MANBAL: variants seen among roughly 807,000 people sequenced by gnomAD.
The protein encoded by MANBAL is mannosidase beta like, also known as protein MANBAL.
In MANBAL, 1 loss-of-function variant was observed where a neutral mutation model predicts 6.4. That is an observed-to-expected ratio of 0.16 (90% confidence interval 0.06 to 0.74). MANBAL has a LOEUF of 0.74. Ranked by LOEUF, MANBAL falls within the 30% of genes least tolerant of loss-of-function variation. The probability of loss-of-function intolerance (pLI) is 0.78; values close to 1 mark genes in which losing one functional copy is unlikely to be tolerated. For missense variants in MANBAL, 100 were observed against 107.8 expected (o/e 0.93, Z 0.32); for synonymous variants, 47 against 45.8 (o/e 1.03, Z -0.10).
chr20:37,293,763 T>C (rs2068926145), intron 1 of MANBAL, among the ~76,000 whole-genome samples: 1 of 152,250 alleles, frequency 6.6e-6, no homozygotes, highest in Non-Finnish European at 1.5e-5. Context: ...GGAAACAACT[T>C]ATCAGCTAGA....
At chr20:37,299,040 C>T (rs1053853393) in intron 1 of MANBAL, among the ~76,000 whole-genome samples, 16 of 147,700 alleles carry the variant, frequency 1.1e-4, no homozygotes, top group African/African-American at 3.7e-4. Context: ...CCATGCCCAG[C>T]CAATTATTTT....
intron 1 of MANBAL, chr20:37,297,353 A>C (rs780002337): frequency 2.0e-5 from 3 of 152,150 alleles, no homozygotes; most frequent in African/African-American, 7.2e-5. Flanking sequence ...CCAGAAGTCA[A>C]ATCCTTCCTG....
At chr20:37,307,513 G>A (rs1050203995) in intron 2 of MANBAL, among the ~76,000 whole-genome samples, 3 of 152,138 alleles carry the variant, frequency 2.0e-5, no homozygotes, top group African/African-American at 2.4e-5. Context: ...AACCCAGCAC[G>A]TGGGAGGCTG....
intron 2 of MANBAL, 61 bp downstream of exon 2, chr20:37,301,474 C>T: frequency 7.8e-6 from 12 of 1,544,408 alleles, no homozygotes; most frequent in Middle Eastern, 1.7e-4. Context: ...TGAGTACTAA[C>T]AGTAGGTGCC....
rs1165373167 is a variant in MANBAL at position 37,317,148 on chromosome 20, T to C, written c.*733T>C. 2 of 152,700 alleles carry C rather than the reference T, an allele frequency of 1.3e-5. No individual in the cohort carries two copies. Among genetic ancestry groups the C allele is most frequent in the Non-Finnish European group, 2.9e-5 (2 of 68,056 alleles). The allele number at this position is 152,700 out of a possible 1,614,324, so 9.5% of individuals were successfully genotyped here. On this transcript the variant is annotated 3_prime_UTR_variant, in exon 3 of 3. Transcript: ENST00000373606. The stretch of plus-strand genomic sequence containing the variant: ...AACCCATCATAGCACGTTCAAGGTG[T>C]GCCTTTTACTTCTACCTGTACATCC...
At chr20:37,311,150 A>G (rs989356885) in intron 2 of MANBAL, among the ~76,000 whole-genome samples, 2 of 152,166 alleles carry the variant, frequency 1.3e-5, no homozygotes, top group African/African-American at 4.8e-5. Context: ...AGGCTCGGTG[A>G]GCATCCACAT....
intron 1 of MANBAL, among the ~76,000 whole-genome samples, chr20:37,299,203 G>A (rs1335905295): frequency 6.6e-6 from 1 of 151,834 alleles, no homozygotes; most frequent in East Asian, 1.9e-4. Context: ...TCAGCCTCTC[G>A]AGTAGCTGGG....
Position 37,316,633 on chromosome 20 carries a change from A to T in MANBAL, c.*218A>T. ...CTGCTTCTGTGACGGTTTAGAGTCA[A>T]GGGGGCTGAAACACACTGTGAGCAT... On this transcript the variant is annotated 3_prime_UTR_variant, in exon 3 of 3. Coordinates refer to ENST00000373606, the MANE Select transcript of MANBAL (RefSeq NM_001003897.2). 2.2e-6 allele frequency: 1 copy of T among 449,050 alleles called. No homozygotes were observed. The highest frequency in any genetic ancestry group is 4.1e-6 in the Non-Finnish European group (1 of 244,180). The allele number at this position is 449,050 out of a possible 1,614,324, so 27.8% of individuals were successfully genotyped here. A position where few individuals can be genotyped will look rare whatever the true frequency, so the allele number is the denominator to read the frequency against.
chr20:37,303,539 A>T (rs1364520039), intron 2 of MANBAL, among the ~76,000 whole-genome samples: 1 of 152,212 alleles, frequency 6.6e-6, no homozygotes, highest in Non-Finnish European at 1.5e-5. Flanking sequence ...TAACATTAAC[A>T]AAATGATGTA....
rs190166319 is a variant in MANBAL, at chr20:37,302,902, G to C, written c.150+1489G>C. ...GCTTCCTTGCTTCATGGTTCAATAA[G>C]ATGTCACAGGCTCTTTTTTGTGTGT... On this transcript the variant is annotated intron_variant, in intron 2 of 2. Coordinates refer to ENST00000373606, the MANE Select transcript of MANBAL (RefSeq NM_001003897.2). Among the ~76,000 whole-genome samples, 275 of 152,098 alleles carry C rather than the reference G, an allele frequency of 1.8e-3. 1 individual carries two copies. The highest frequency in any genetic ancestry group is 6.4e-3 in the African/African-American group (264 of 41,510).
intron 1 of MANBAL, among the ~76,000 whole-genome samples, chr20:37,296,729 A>C (rs1408031547): frequency 6.6e-6 from 1 of 152,224 alleles, no homozygotes; most frequent in Non-Finnish European, 1.5e-5. Flanking sequence ...CAAAGGATAT[A>C]ATCACTTTTA....
Position 37,316,963 on chromosome 20 carries a change from C to G in MANBAL, c.*548C>G, listed in dbSNP as rs2069535247. 1 of 152,624 alleles carries G rather than the reference C, an allele frequency of 6.6e-6. No individual in the cohort carries two copies. Among genetic ancestry groups the G allele is most frequent in the East Asian group, 1.9e-4 (1 of 5,190 alleles). The allele number at this position is 152,624 out of a possible 1,614,324, so 9.5% of individuals were successfully genotyped here. A position where few individuals can be genotyped will look rare whatever the true frequency, so the allele number is the denominator to read the frequency against. On this transcript the variant is annotated 3_prime_UTR_variant, in exon 3 of 3. Coordinates refer to ENST00000373606, the MANE Select transcript of MANBAL (RefSeq NM_001003897.2). Reference sequence around the variant, plus strand: ...TGTGACAGCCAGGCCCAGAAAATGCCTGGCGTGAGAGCCAGCAGACAGCCA... The same window carrying G: ...TGTGACAGCCAGGCCCAGAAAATGCGTGGCGTGAGAGCCAGCAGACAGCCA...
In MANBAL at chr20:37,309,894, G is replaced by A. The variant is rs546454854; in HGVS notation, c.151-6414G>A. The stretch of plus-strand genomic sequence containing the variant: ...CAACTGTGCATTTCTGCTCTGTGTG[G>A]TTTTAAAGCTTGGGAGGAGGTTGCA... On this transcript the variant is annotated intron_variant, in intron 2 of 2. Transcript: ENST00000373606. 3.3e-5 allele frequency among the ~76,000 whole-genome samples: 5 copies of A among 152,334 alleles called. No individual in the cohort carries two copies. In the South Asian group the frequency reaches 1.0e-3, roughly 32 times the overall value.
chr20:37,312,438 C>T (rs567624892), intron 2 of MANBAL, among the ~76,000 whole-genome samples: 1 of 152,224 alleles, frequency 6.6e-6, no homozygotes, highest in South Asian at 2.1e-4. Flanking sequence ...GAGGCTGGAC[C>T]GTGTACCCAT....
chr20:37,316,352 G>C lies in MANBAL; in HGVS notation c.195G>C (p.Lys65Asn), dbSNP rs746795412. ...SEPRSAEVTR[K>N]PKAAVPSVNK... The stretch of plus-strand genomic sequence containing the variant: ...CCAGAAGTGCTGAGGTGACGAGGAA[G>C]CCCAAGGCTGCTGTTCCTTCTGTGA... The change falls in exon 3 of 3, where the codon AAG becomes AAC. Residue 65 changes from lysine (K) to asparagine (N), a missense_variant. Physicochemically the swap from Lys to Asn is moderately conservative, Grantham distance 94. Coordinates refer to ENST00000373606, the MANE Select transcript of MANBAL (RefSeq NM_001003897.2). The C allele has an allele frequency of 6.8e-6, 11 of 1,613,920 alleles. No individual in the cohort carries two copies. In the East Asian group the frequency reaches 2.5e-4, roughly 36 times the overall value.
chr20:37,290,497 C>T (rs1285880574), intron 1 of MANBAL, among the ~76,000 whole-genome samples: 1 of 151,502 alleles, frequency 6.6e-6, no homozygotes, highest in East Asian at 1.9e-4. Context: ...GTCTCTCTCT[C>T]GTCCACGCTG....
chr20:37,297,646 CT>C (rs981790798), intron 1 of MANBAL: 653 of 145,084 alleles, frequency 4.5e-3, no homozygotes, highest in Non-Finnish European at 6.6e-3. Context: ...GGCGGCAGGC[CT>C]TTTTTTTTTT....
At chr20:37,315,475 C>T (rs1283270367) in intron 2 of MANBAL, among the ~76,000 whole-genome samples, 1 of 152,250 alleles carries the variant, frequency 6.6e-6, no homozygotes, top group Non-Finnish European at 1.5e-5. Flanking sequence ...TGTGTCCCTT[C>T]CCTGGAGTCT....
At chr20:37,309,659 C>T (rs1019370740) in intron 2 of MANBAL, among the ~76,000 whole-genome samples, 2 of 152,166 alleles carry the variant, frequency 1.3e-5, no homozygotes, top group African/African-American at 4.8e-5. Context: ...TATGGTGAGC[C>T]ACCTGCACCT....
Sources: allele counts gnomAD v4.1 joint callset (sites outside exome capture counted in the v4.1 genomes callset), GRCh38; gene constraint gnomAD v4.1.1; transcripts MANE v1.5; gene names NCBI Gene and HGNC (gene_info 2026-07-23, HGNC 2026-07-21).